VPS13B: variants seen among roughly 807,000 people sequenced by gnomAD.
The protein encoded by VPS13B is intermembrane lipid transfer protein VPS13B.
VPS13B carries 285 observed loss-of-function variants against 426.4 expected under a neutral mutation model. The observed-to-expected ratio is 0.67, with a 90% CI of 0.61 to 0.74. VPS13B has a LOEUF of 0.74. VPS13B is among the 30% of genes least tolerant of loss of function. The probability of loss-of-function intolerance (pLI) is 0.00; values close to 1 mark genes in which losing one functional copy is unlikely to be tolerated. For synonymous variants in VPS13B, 1,676 were observed against 1,676.4 expected (o/e 1.00, Z 0.01); for missense variants, 4,537 against 4,782.6 (o/e 0.95, Z 1.51).
Position 99,444,343 on chromosome 8 carries a change from C to T in VPS13B, c.3445+1708C>T, listed in dbSNP as rs960173729. Among the ~76,000 whole-genome samples the T allele has an allele frequency of 9.2e-5, 14 of 152,250 alleles. No individual in the cohort carries two copies. In the East Asian group the frequency reaches 9.7e-4, roughly 11 times the overall value. ...CAAACTCCTGACCTCGTGATCCACC[C>T]GCCTTGGTCTCCCAAAGTGTTGGGA... On this transcript the variant is annotated intron_variant, in intron 23 of 61. Transcript: ENST00000357162.
chr8:99,341,039 T>C (rs1811215003), intron 19 of VPS13B: 1 of 272,624 alleles, frequency 3.7e-6, no homozygotes, highest in Non-Finnish European at 7.5e-6. Context: ...CTTATTCCCA[T>C]GGATAGATTA....
intron 35 of VPS13B, among the ~76,000 whole-genome samples, chr8:99,676,841 A>G (rs1830954917): frequency 6.6e-6 from 1 of 152,086 alleles, no homozygotes; most frequent in Admixed American, 6.6e-5. Flanking sequence ...TTAAGAAGCT[A>G]ATTTTGGGCT....
At chr8:99,422,062 A>G (rs1816405980) in intron 21 of VPS13B, among the ~76,000 whole-genome samples, 1 of 152,142 alleles carries the variant, frequency 6.6e-6, no homozygotes, top group Non-Finnish European at 1.5e-5. Flanking sequence ...ATTAAATAAG[A>G]TAGATGGGCG....
chr8:99,685,972 G>C (rs1047620770), intron 35 of VPS13B, among the ~76,000 whole-genome samples: 4 of 152,014 alleles, frequency 2.6e-5, no homozygotes, highest in Admixed American at 1.3e-4. Flanking sequence ...GTCTGGGCTT[G>C]TTTGTACCTG....
intron 31 of VPS13B, among the ~76,000 whole-genome samples, chr8:99,558,289 T>C (rs1224704658): frequency 6.6e-6 from 1 of 152,080 alleles, no homozygotes; most frequent in Non-Finnish European, 1.5e-5. Context: ...TAAAATATAG[T>C]TTGTACTCCT....
intron 40 of VPS13B, among the ~76,000 whole-genome samples, chr8:99,768,672 C>G (rs534623196): frequency 6.6e-6 from 1 of 152,148 alleles, no homozygotes; most frequent in East Asian, 1.9e-4. Flanking sequence ...CATTTGGGCT[C>G]TTTAAAAATA....
chr8:99,241,314 TCC>T (rs1219721277), intron 17 of VPS13B: 1 of 152,194 alleles, frequency 6.6e-6, no homozygotes, highest in African/African-American at 2.4e-5. Context: ...TTAACTATTA[TCC>T]TGTGTATAAT....
chr8:99,104,458 G>A (rs372105988), intron 5 of VPS13B, among the ~76,000 whole-genome samples: 24 of 152,052 alleles, frequency 1.6e-4, no homozygotes, highest in African/African-American at 5.3e-4. Context: ...ACAAAGCTTG[G>A]TGAAGGCAAG....
chr8:99,728,793 G>A (rs1422787454), intron 39 of VPS13B, among the ~76,000 whole-genome samples: 1 of 152,168 alleles, frequency 6.6e-6, no homozygotes, highest in African/African-American at 2.4e-5. Flanking sequence ...TAAAATGAGG[G>A]GGATTAATAT....
rs1439673220 is a variant in VPS13B, at chr8:99,384,310, T to G, written c.2927T>G (p.Met976Arg). Residue 976 changes from methionine (M) to arginine (R), a missense_variant, in exon 20 of 62, where the codon ATG (methionine) becomes AGG (arginine). Met to Arg is a moderately conservative substitution (Grantham distance 91, BLOSUM62 -1). Around this residue, in one of 2 missense-constraint regions of VPS13B, gnomAD observed 4,311 missense variants for 4,474.3 expected, o/e 0.96. Transcript: ENST00000357162. ...CCTCAGAAACGAACAAGTAGACATA[T>G]GCAACAGGTAAGAGATTTTTAAATA... Reference protein sequence around the residue: ...YQPQKRTSRHMQQQPVVAVPL... With the variant: ...YQPQKRTSRHRQQQPVVAVPL... 1 of 1,612,330 alleles carries G rather than the reference T, an allele frequency of 6.2e-7. No homozygotes were observed. The highest frequency in any genetic ancestry group is 2.2e-5 in the East Asian group (1 of 44,830).
At position 99,199,116 on chromosome 8, in the gene VPS13B, T is replaced by C. The variant is rs192493718; in HGVS notation, c.2515+6059T>C. 8.1e-4 allele frequency among the ~76,000 whole-genome samples: 123 copies of C among 152,328 alleles called. 1 individual carries two copies. Among genetic ancestry groups the C allele is most frequent in the African/African-American group, 2.6e-3 (108 of 41,574 alleles). ...ATTAATAAAGAGATTATACAAGCTG[T>C]GTACATTTTTGGATCTCTCAGACTT... On this transcript the variant is annotated intron_variant, in intron 17 of 61. Transcript: ENST00000357162.
chr8:99,141,880 T>C (rs1194460606), intron 12 of VPS13B, among the ~76,000 whole-genome samples: 2 of 109,954 alleles, frequency 1.8e-5, no homozygotes, highest in Admixed American at 1.8e-4. Flanking sequence ...CTGTCTCTAC[T>C]AAAAAAAAAA....
intron 34 of VPS13B, 82 bp from the exon 35 acceptor site, chr8:99,661,272 C>T (rs1830212405): frequency 1.3e-6 from 2 of 1,561,998 alleles, no homozygotes; most frequent in African/African-American, 1.4e-5. Flanking sequence ...GTTTTTCTCT[C>T]ATTTATTAAC....
intron 2 of VPS13B, among the ~76,000 whole-genome samples, chr8:99,016,218 G>A (rs577097358): frequency 3.3e-5 from 5 of 152,132 alleles, no homozygotes; most frequent in Admixed American, 6.5e-5. Context: ...TCTTGGTAAC[G>A]TAAGTATTAA....
intron 58 of VPS13B, among the ~76,000 whole-genome samples, chr8:99,864,772 C>T (rs923880502): frequency 3.9e-5 from 6 of 152,190 alleles, no homozygotes; most frequent in African/African-American, 1.4e-4. Flanking sequence ...AGCTTCACAA[C>T]TTTGGATGAG....
intron 6 of VPS13B, among the ~76,000 whole-genome samples, chr8:99,114,139 A>G (rs1847525399): frequency 9.7e-6 from 1 of 102,702 alleles, no homozygotes; most frequent in South Asian, 4.4e-4. Context: ...GTATAATTGC[A>G]AATATCTTTT....
chr8:99,341,286 G>A (rs1192232405), intron 19 of VPS13B: 3 of 167,666 alleles, frequency 1.8e-5, no homozygotes, highest in South Asian at 1.7e-4. Flanking sequence ...CTCATTAACT[G>A]TTTCCTTCTG....
intron 39 of VPS13B, among the ~76,000 whole-genome samples, chr8:99,746,288 G>A (rs994496409): frequency 6.6e-6 from 1 of 152,064 alleles, no homozygotes; most frequent in African/African-American, 2.4e-5. Flanking sequence ...CAGGAGGCAA[G>A]AGATGTCTGC....
chr8:99,019,972 A>G (rs1360633744), intron 2 of VPS13B, among the ~76,000 whole-genome samples: 1 of 152,118 alleles, frequency 6.6e-6, no homozygotes, highest in African/African-American at 2.4e-5. Flanking sequence ...CTGTGCTTTT[A>G]ATTTATTTGG....
Sources: allele counts gnomAD v4.1 joint callset (sites outside exome capture counted in the v4.1 genomes callset), GRCh38; gene constraint gnomAD v4.1.1; regional missense constraint gnomAD v4.1.1; transcripts MANE v1.5; gene names NCBI Gene and HGNC (gene_info 2026-07-23, HGNC 2026-07-21).